TBL1XR1: variants seen among roughly 807,000 people sequenced by gnomAD.
TBL1XR1 encodes TBL1X/Y related 1.
TBL1XR1 carries 5 observed loss-of-function variants against 66.9 expected under a neutral mutation model. The observed-to-expected ratio is 0.07, with a 90% CI of 0.04 to 0.16. The LOEUF (loss-of-function observed/expected upper bound fraction) is 0.16. Among genes scored for constraint, TBL1XR1 ranks in the 10% least tolerant of loss-of-function variants. TBL1XR1 has a pLI of 1.00. For missense variants in TBL1XR1, 238 were observed against 623.2 expected, an observed-to-expected ratio of 0.38 and a Z score of 6.58; for synonymous variants, 210 against 206.0, an observed-to-expected ratio of 1.02 and a Z score of -0.17.
chr3:177,106,603 G>A (rs147728505), intron 1 of TBL1XR1, among the ~76,000 whole-genome samples: 202 of 152,306 alleles, frequency 1.3e-3, no homozygotes, highest in Non-Finnish European at 2.2e-3. Context: ...CAGTGCCTTC[G>A]CTTTTTCATC....
At chr3:177,109,758 G>A (rs1725323295) in intron 1 of TBL1XR1, among the ~76,000 whole-genome samples, 1 of 152,034 alleles carries the variant, frequency 6.6e-6, no homozygotes, top group Admixed American at 6.6e-5. Flanking sequence ...AGGGTAAAGG[G>A]ATTCAGAAGT....
At chr3:177,172,750 T>C (rs545197887) in intron 1 of TBL1XR1, among the ~76,000 whole-genome samples, 1 of 151,514 alleles carries the variant, frequency 6.6e-6, no homozygotes, top group South Asian at 2.1e-4. Flanking sequence ...CCATAGTAAG[T>C]ATTGCTCCAG....
chr3:177,198,163 T>C (rs1038868479), upstream of TBL1XR1, among the ~76,000 whole-genome samples: 1 of 152,188 alleles, frequency 6.6e-6, no homozygotes, highest in African/African-American at 2.4e-5. Context: ...AGGTGCTTTA[T>C]CTGTAATAAG....
chr3:177,026,491 CA>C lies in TBL1XR1; in HGVS notation c.1417-18del. The stretch of plus-strand genomic sequence containing the variant: ...AGCACCTGTCTAAAAGAATGAAAAA[CA>C]AAATCTTAAAAATCGTAATACATAT... On this transcript the variant is annotated intron_variant, in intron 14 of 15. Coordinates refer to ENST00000457928, the MANE Select transcript of TBL1XR1 (RefSeq NM_024665.7). 6.4e-7 allele frequency: 1 copy of C among 1,550,522 alleles called. No homozygotes were observed. The highest frequency in any genetic ancestry group is 8.7e-7 in the Non-Finnish European group (1 of 1,150,532).
chr3:177,048,436 A>G (rs1459066050), intron 7 of TBL1XR1, among the ~76,000 whole-genome samples: 5 of 152,158 alleles, frequency 3.3e-5, no homozygotes, highest in Admixed American at 1.3e-4. Flanking sequence ...CACCTATTTC[A>G]CATCTCTCAA....
chr3:177,038,022 TA>T, intron 12 of TBL1XR1, 75 bp downstream of exon 12: 1 of 1,298,840 alleles, frequency 7.7e-7, no homozygotes, highest in Non-Finnish European at 1.1e-6. Context: ...ACAGACATTC[TA>T]AATGGTCTTA....
At chr3:177,111,653 C>T (rs1052827003) in intron 1 of TBL1XR1, among the ~76,000 whole-genome samples, 5 of 152,038 alleles carry the variant, frequency 3.3e-5, no homozygotes, top group Non-Finnish European at 5.9e-5. Flanking sequence ...ACCCAATCCA[C>T]GAAGGATATG....
At chr3:177,168,541 C>T (rs1195088261) in intron 1 of TBL1XR1, among the ~76,000 whole-genome samples, 1 of 152,140 alleles carries the variant, frequency 6.6e-6, no homozygotes, top group Non-Finnish European at 1.5e-5. Context: ...CTGGGCCTCC[C>T]AAAGTGCTGG....
intron 1 of TBL1XR1, among the ~76,000 whole-genome samples, chr3:177,170,400 C>A (rs578205401): frequency 6.6e-6 from 1 of 152,252 alleles, no homozygotes; most frequent in African/African-American, 2.4e-5. Context: ...CACCCCTCCA[C>A]AACTCCATAT....
intron 1 of TBL1XR1, among the ~76,000 whole-genome samples, chr3:177,193,613 T>C (rs970046881): frequency 2.6e-5 from 4 of 152,210 alleles, no homozygotes; most frequent in Non-Finnish European, 5.9e-5. Context: ...CCAGCAAGAC[T>C]GCATCTTATT....
At chr3:177,082,178 T>C (rs1721476659) in intron 2 of TBL1XR1, among the ~76,000 whole-genome samples, 1 of 152,132 alleles carries the variant, frequency 6.6e-6, no homozygotes, top group African/African-American at 2.4e-5. Flanking sequence ...CACTTTTACT[T>C]TGAGAAAGTT....
At chr3:177,153,708 T>A (rs1731165791) in intron 1 of TBL1XR1, among the ~76,000 whole-genome samples, 1 of 151,778 alleles carries the variant, frequency 6.6e-6, no homozygotes. Context: ...GCAGACATGA[T>A]GAAACCCCTA....
chr3:177,073,385 T>A (rs954176159), intron 2 of TBL1XR1, among the ~76,000 whole-genome samples: 2 of 152,206 alleles, frequency 1.3e-5, no homozygotes, highest in African/African-American at 4.8e-5. Flanking sequence ...GAATACATAT[T>A]GATAAGTTTA....
At chr3:177,103,235 T>C (rs1033814918) in intron 1 of TBL1XR1, among the ~76,000 whole-genome samples, 3 of 152,196 alleles carry the variant, frequency 2.0e-5, no homozygotes, top group African/African-American at 4.8e-5. Flanking sequence ...TAAAGGTGGA[T>C]CTTCCATCAT....
chr3:177,086,500 G>GT (rs1397930704), intron 2 of TBL1XR1, among the ~76,000 whole-genome samples: 2 of 152,034 alleles, frequency 1.3e-5, no homozygotes, highest in Non-Finnish European at 2.9e-5. Context: ...TACACAAGCT[G>GT]TATGTTCAGG....
intron 1 of TBL1XR1, among the ~76,000 whole-genome samples, chr3:177,103,023 T>C (rs1367048135): frequency 6.6e-6 from 1 of 152,212 alleles, no homozygotes; most frequent in Non-Finnish European, 1.5e-5. Context: ...TTAAGATATA[T>C]ATGCTGATAA....
intron 1 of TBL1XR1, among the ~76,000 whole-genome samples, chr3:177,100,481 T>C (rs534192406): frequency 1.3e-5 from 2 of 152,198 alleles, no homozygotes; most frequent in Non-Finnish European, 2.9e-5. Flanking sequence ...TGAAGTGCCA[T>C]GGCACAATCT....
At chr3:177,042,969 C>T (rs180728729) in intron 10 of TBL1XR1, among the ~76,000 whole-genome samples, 4 of 152,122 alleles carry the variant, frequency 2.6e-5, no homozygotes, top group Admixed American at 2.6e-4. Flanking sequence ...CTGTTTAAAG[C>T]ATACAATTCA....
intron 1 of TBL1XR1, among the ~76,000 whole-genome samples, chr3:177,105,443 A>G (rs1001929297): frequency 1.3e-5 from 2 of 152,204 alleles, no homozygotes. Flanking sequence ...GCCTAAGACC[A>G]CACAGGTGGG....
Sources: allele counts gnomAD v4.1 joint callset (sites outside exome capture counted in the v4.1 genomes callset), GRCh38; gene constraint gnomAD v4.1.1; transcripts MANE v1.5; gene names NCBI Gene and HGNC (gene_info 2026-07-23, HGNC 2026-07-21).